The following NUDCD3 variants were observed in gnomAD, a reference collection of about 807,000 sequenced individuals.
NUDCD3 encodes the protein NudC domain containing 3.
In NUDCD3, 13 loss-of-function variants were observed where a neutral mutation model predicts 39.7. The ratio of observed to expected loss-of-function variants is 0.33; its 90% CI spans 0.21 to 0.52. The LOEUF (loss-of-function observed/expected upper bound fraction) is 0.52. Ranked by LOEUF, NUDCD3 falls within the 20% of genes least tolerant of loss-of-function variation. The probability of loss-of-function intolerance (pLI) is 0.96; values close to 1 mark genes in which losing one functional copy is unlikely to be tolerated. For missense variants in NUDCD3, 453 were observed against 458.1 expected, an observed-to-expected ratio of 0.99 and a Z score of 0.10; for synonymous variants, 175 against 172.4, an observed-to-expected ratio of 1.02 and a Z score of -0.12.
chr7:44,399,472 A>G (rs1798681925), intron 4 of NUDCD3, among the ~76,000 whole-genome samples: 1 of 152,232 alleles, frequency 6.6e-6, no homozygotes, highest in Admixed American at 6.5e-5. Flanking sequence ...ATGTTAAGTA[A>G]TCCATGGGAT....
intron 4 of NUDCD3, chr7:44,402,826 G>A (rs902226717): frequency 2.6e-5 from 10 of 384,490 alleles, no homozygotes; most frequent in South Asian, 1.1e-4. Flanking sequence ...TAATACAGGC[G>A]GCCAGGGCTG....
chr7:44,475,694 A>T (rs1342506014), intron 2 of NUDCD3, among the ~76,000 whole-genome samples: 2 of 152,268 alleles, frequency 1.3e-5, no homozygotes, highest in African/African-American at 4.8e-5. Flanking sequence ...CAGGAAGTCG[A>T]GGTTGCACTG....
intron 3 of NUDCD3, among the ~76,000 whole-genome samples, chr7:44,410,961 T>A (rs1161757181): frequency 6.6e-6 from 1 of 152,150 alleles, no homozygotes; most frequent in African/African-American, 2.4e-5. Context: ...CGAGACTCTA[T>A]CTCAAAATAA....
At chr7:44,407,490 G>C (rs1179312330) in intron 3 of NUDCD3, among the ~76,000 whole-genome samples, 2 of 151,064 alleles carry the variant, frequency 1.3e-5, no homozygotes, top group Admixed American at 6.6e-5. Context: ...GCTTGAACCT[G>C]GGAGGCAGAG....
At chr7:44,406,485 C>T (rs553901549) in intron 3 of NUDCD3, among the ~76,000 whole-genome samples, 61 of 152,198 alleles carry the variant, frequency 4.0e-4, no homozygotes, top group Non-Finnish European at 7.1e-4. Context: ...AATGGAAACA[C>T]GACACAGAGG....
At chr7:44,430,519 A>G (rs1799336285) in intron 2 of NUDCD3, among the ~76,000 whole-genome samples, 2 of 152,034 alleles carry the variant, frequency 1.3e-5, no homozygotes, top group African/African-American at 2.4e-5. Flanking sequence ...CCATTTGAAA[A>G]AAGTCAAAAT....
chr7:44,424,369 G>C (rs1264862546), intron 3 of NUDCD3, among the ~76,000 whole-genome samples: 1 of 151,980 alleles, frequency 6.6e-6, no homozygotes, highest in Non-Finnish European at 1.5e-5. Context: ...CCACAGAATG[G>C]GAGAAAATTT....
intron 3 of NUDCD3, among the ~76,000 whole-genome samples, chr7:44,416,549 G>A (rs921347823): frequency 6.6e-6 from 1 of 151,600 alleles, no homozygotes; most frequent in Non-Finnish European, 1.5e-5. Context: ...GAATGACATG[G>A]GGAAAAAAAA....
chr7:44,422,200 T>C (rs1025261342), intron 3 of NUDCD3, among the ~76,000 whole-genome samples: 32 of 152,060 alleles, frequency 2.1e-4, no homozygotes, highest in African/African-American at 7.5e-4. Context: ...AGATCTAAAA[T>C]TGACACCCTA....
At chr7:44,433,787 T>G (rs997961704) in intron 2 of NUDCD3, among the ~76,000 whole-genome samples, 6 of 152,244 alleles carry the variant, frequency 3.9e-5, no homozygotes, top group Admixed American at 2.6e-4. Context: ...CCACTGTGAT[T>G]ACATTATTCT....
intron 2 of NUDCD3, among the ~76,000 whole-genome samples, chr7:44,476,487 G>A (rs1045908374): frequency 6.6e-6 from 1 of 152,126 alleles, no homozygotes; most frequent in Admixed American, 6.5e-5. Flanking sequence ...TTCACCATGT[G>A]ACAGCTCGAT....
At chr7:44,425,996 G>A (rs1057175038) in intron 3 of NUDCD3, 6 of 315,398 alleles carry the variant, frequency 1.9e-5, no homozygotes, top group African/African-American at 4.5e-5. Context: ...CTCCAGTGGC[G>A]CAATCGGTTA....
chr7:44,450,602 G>A (rs1442995018), intron 2 of NUDCD3, among the ~76,000 whole-genome samples: 1 of 151,760 alleles, frequency 6.6e-6, no homozygotes, highest in Non-Finnish European at 1.5e-5. Context: ...GACCAGCCTG[G>A]GCAAAATAGC....
At chr7:44,448,284 C>G (rs1799723290) in intron 2 of NUDCD3, among the ~76,000 whole-genome samples, 1 of 152,184 alleles carries the variant, frequency 6.6e-6, no homozygotes. Context: ...TGAACACGAA[C>G]AGTGGCAAGT....
At chr7:44,426,173 G>A in intron 3 of NUDCD3, 4 of 985,370 alleles carry the variant, frequency 4.1e-6, no homozygotes, top group Non-Finnish European at 3.6e-6. Context: ...TTTAAAGGGG[G>A]GTGACCGGGT....
chr7:44,488,985 C>A (rs539866142), intron 1 of NUDCD3, among the ~76,000 whole-genome samples: 14 of 152,122 alleles, frequency 9.2e-5, no homozygotes, highest in Admixed American at 5.2e-4. Context: ...ATACTCCTTT[C>A]TCCTCCACAT....
At position 44,379,329 on chromosome 7, in the gene NUDCD3, T is replaced by C; in HGVS notation, c.*6682A>G. On this transcript the variant is annotated 3_prime_UTR_variant, in exon 6 of 6. Transcript: ENST00000355451. ...TTTAAAATGACCATATCATGGAAAA[T>C]TCTGGAGAGCAGTTATCTTGGGACA... The C allele has an allele frequency of 6.9e-6, 1 of 145,436 alleles. No individual in the cohort carries two copies. The highest frequency in any genetic ancestry group is 2.0e-4 in the East Asian group (1 of 4,926). The allele number at this position is 145,436 out of a possible 1,614,324, so 9.0% of individuals were successfully genotyped here.
At chr7:44,459,320 C>A (rs1201114641) in intron 2 of NUDCD3, among the ~76,000 whole-genome samples, 1 of 151,736 alleles carries the variant, frequency 6.6e-6, no homozygotes, top group Non-Finnish European at 1.5e-5. Context: ...CATCTCGGCC[C>A]CCTGAATAGC....
chr7:44,485,451 G>A, intron 1 of NUDCD3, 167 bp from the exon 2 acceptor site: 1 of 587,990 alleles, frequency 1.7e-6, no homozygotes, highest in Non-Finnish European at 3.0e-6. Flanking sequence ...AAAGCTGACA[G>A]GTAAACAGTG....
Sources: gnomAD v4.1 joint callset for allele counts (sites outside exome capture counted in the v4.1 genomes callset) on GRCh38, gnomAD v4.1.1 for gene constraint, MANE v1.5 for transcripts, NCBI Gene and HGNC (gene_info 2026-07-23, HGNC 2026-07-21) for gene names.